DCDC2C: variants seen among roughly 807,000 people sequenced by gnomAD.
DCDC2C encodes the protein doublecortin domain containing 2C.
A neutral mutation model predicts 45.0 loss-of-function variants in DCDC2C; 44 were observed. The ratio of observed to expected loss-of-function variants is 0.98; its 90% confidence interval spans 0.77 to 1.26. The LOEUF is 1.26. Ranked by LOEUF, DCDC2C falls within the 50% of genes most tolerant of loss-of-function variation. The probability of loss-of-function intolerance (pLI) is 0.00; values close to 1 mark genes in which losing one functional copy is unlikely to be tolerated. For missense variants in DCDC2C, 447 were observed against 468.9 expected (o/e 0.95, Z 0.43); for synonymous variants, 187 against 178.8 (o/e 1.05, Z -0.37).
chr2:3,781,439 G>A (rs1194903405), intron 9 of DCDC2C, among the ~76,000 whole-genome samples: 3 of 152,236 alleles, frequency 2.0e-5, no homozygotes, highest in Non-Finnish European at 2.9e-5. Context: ...TATACAGTAG[G>A]TGTTTAATAA....
chr2:3,714,090 T>G (rs1402969567), intron 2 of DCDC2C, among the ~76,000 whole-genome samples: 1 of 152,214 alleles, frequency 6.6e-6, no homozygotes, highest in Non-Finnish European at 1.5e-5. Flanking sequence ...AAATTATTCT[T>G]TCACAGAATT....
chr2:3,733,069 G>A (rs1272536650), intron 3 of DCDC2C, among the ~76,000 whole-genome samples: 1 of 152,220 alleles, frequency 6.6e-6, no homozygotes, highest in African/African-American at 2.4e-5. Context: ...GTTGGCAACT[G>A]ATGTCGTGGA....
At chr2:3,784,154 A>C (rs965566150) in intron 9 of DCDC2C, among the ~76,000 whole-genome samples, 1 of 152,238 alleles carries the variant, frequency 6.6e-6, no homozygotes, top group South Asian at 2.1e-4. Flanking sequence ...GACAATGTCC[A>C]GTGCTTAATA....
rs1336067697 is a variant in DCDC2C at position 3,727,070 on chromosome 2, G to A, written c.407G>A (p.Arg136Gln). Reference sequence around the variant, plus strand: ...TGGCAAACATATCATCGTATATCTCGACATATAAAGTGAGTATAATATTAT... The same window carrying A: ...TGGCAAACATATCATCGTATATCTCAACATATAAAGTGAGTATAATATTAT... ...SKWQTYHRIS[R>Q]HINVFTNGRL... The change falls in exon 3 of 11, where the codon CGA becomes CAA. Residue 136 changes from arginine (R) to glutamine (Q), a missense_variant. Physicochemically the swap from Arg to Gln is conservative, Grantham distance 43 (BLOSUM62 1). Coordinates refer to ENST00000399143, the MANE Select transcript of DCDC2C (RefSeq NM_001287444.2). The A allele has an allele frequency of 7.1e-6, 11 of 1,548,732 alleles. No homozygotes were observed. The highest frequency in any genetic ancestry group is 6.0e-5 in the South Asian group (5 of 83,916).
intron 10 of DCDC2C, among the ~76,000 whole-genome samples, chr2:3,836,765 G>A (rs1343317954): frequency 6.6e-6 from 1 of 151,966 alleles, no homozygotes; most frequent in Non-Finnish European, 1.5e-5. Context: ...GGGAGGCTGA[G>A]GCAGGAGAAT....
At chr2:3,810,825 GCTGAA>G (rs1394152533) in intron 10 of DCDC2C, among the ~76,000 whole-genome samples, 1 of 152,096 alleles carries the variant, frequency 6.6e-6, no homozygotes, top group East Asian at 1.9e-4. Context: ...ACCACCATTT[GCTGAA>G]CAGGAGATCC....
intron 2 of DCDC2C, among the ~76,000 whole-genome samples, chr2:3,717,703 G>A (rs1475553362): frequency 2.0e-5 from 3 of 152,124 alleles, no homozygotes; most frequent in East Asian, 1.9e-4. Flanking sequence ...TTACCATGAC[G>A]TTTAAGGCCC....
Position 3,798,654 on chromosome 2 carries a change from T to G in DCDC2C, c.1065+13554T>G, listed in dbSNP as rs1225610915. 2.7e-5 allele frequency among the ~76,000 whole-genome samples: 4 copies of G among 149,936 alleles called. No homozygotes were observed. In the East Asian group the frequency reaches 7.9e-4, roughly 30 times the overall value. On this transcript the variant is annotated intron_variant, in intron 10 of 10. Coordinates refer to ENST00000399143, the MANE Select transcript of DCDC2C (RefSeq NM_001287444.2). ...AAGCTTAGTTTGGCTGGATATGAAA[T>G]TCTGGGTTGAAAATTCTTTTCTTTA...
intron 10 of DCDC2C, among the ~76,000 whole-genome samples, chr2:3,841,217 A>G (rs1672206590): frequency 1.3e-5 from 2 of 152,130 alleles, no homozygotes; most frequent in South Asian, 4.1e-4. Context: ...TAGGGGAGAC[A>G]TTTTCAGCCA....
intron 2 of DCDC2C, among the ~76,000 whole-genome samples, chr2:3,723,336 T>A (rs1313824784): frequency 6.6e-6 from 1 of 152,012 alleles, no homozygotes; most frequent in Non-Finnish European, 1.5e-5. Flanking sequence ...TAACTGCAGG[T>A]GTGTGACTGG....
Position 3,758,529 on chromosome 2 carries a change from G to A in DCDC2C, c.726+3895G>A, listed in dbSNP as rs1002031793. ...CTATCAATTGAGTATATTCTTCTTCGATTCCATCTATTCTTGCAGAGTGAC... is the reference window on the plus strand; with the variant it reads ...CTATCAATTGAGTATATTCTTCTTCAATTCCATCTATTCTTGCAGAGTGAC... On this transcript the variant is annotated intron_variant, in intron 6 of 10. Transcript: ENST00000399143. Among the ~76,000 whole-genome samples the A allele has an allele frequency of 5.3e-5, 8 of 152,164 alleles. 1 individual carries two copies. The South Asian group carries it at 6.2e-4, about 12-fold the overall frequency.
At chr2:3,717,829 T>C (rs908704888) in intron 2 of DCDC2C, among the ~76,000 whole-genome samples, 9 of 152,208 alleles carry the variant, frequency 5.9e-5, no homozygotes, top group African/African-American at 1.9e-4. Flanking sequence ...TTCATGCGCC[T>C]ATCCTCAAGC....
In DCDC2C at chr2:3,734,559, A is replaced by G. The variant is rs114446653; in HGVS notation, c.417-7361A>G. ...GATTTCGTAAGAGGGAAGTTTAGCCACAGAGAAATGCTGTGTTCTCATTAA... is the reference window on the plus strand; with the variant it reads ...GATTTCGTAAGAGGGAAGTTTAGCCGCAGAGAAATGCTGTGTTCTCATTAA... On this transcript the variant is annotated intron_variant, in intron 3 of 10. Coordinates refer to ENST00000399143, the MANE Select transcript of DCDC2C (RefSeq NM_001287444.2). This position sits in a 1 kb window ranked among gnomAD's most constrained non-coding sequence, Gnocchi z 4.2. 0.013 allele frequency among the ~76,000 whole-genome samples: 2,018 copies of G among 152,304 alleles called. 54 individuals are homozygous for G. Among genetic ancestry groups the G allele is most frequent in the African/African-American group, 0.046 (1,901 of 41,554 alleles).
At position 3,847,283 on chromosome 2, in the gene DCDC2C, G is replaced by GCTTTAGTTTCACCCCACA; in HGVS notation, c.*100_*101insCTTTAGTTTCACCCCACA. On this transcript the variant is annotated 3_prime_UTR_variant, in exon 11 of 11. Coordinates refer to ENST00000399143, the MANE Select transcript of DCDC2C (RefSeq NM_001287444.2). The stretch of plus-strand genomic sequence containing the variant: ...TAACAGCAAGAAAATCACATGTGGG[G>GCTTTAGTTTCACCCCACA]TGAAACTAAAGCCCCACACAGTGGT... The GCTTTAGTTTCACCCCACA allele has an allele frequency of 2.3e-6, 2 of 864,254 alleles. No individual in the cohort carries two copies. Among genetic ancestry groups the GCTTTAGTTTCACCCCACA allele is most frequent in the Non-Finnish European group, 3.1e-6 (2 of 653,102 alleles). The allele number at this position is 864,254 out of a possible 1,614,324, so 53.5% of individuals were successfully genotyped here.
At chr2:3,769,070 C>A in intron 7 of DCDC2C, 1 of 455,924 alleles carries the variant, frequency 2.2e-6, no homozygotes. Flanking sequence ...TTCATGAAGA[C>A]AGAGACAAAA....
At chr2:3,827,498 G>C (rs1671855304) in intron 10 of DCDC2C, among the ~76,000 whole-genome samples, 1 of 152,132 alleles carries the variant, frequency 6.6e-6, no homozygotes, top group Admixed American at 6.5e-5. Flanking sequence ...TGGCTTACTT[G>C]GGACCCATCA....
intron 3 of DCDC2C, among the ~76,000 whole-genome samples, chr2:3,738,565 A>AAAG (rs1669097982): frequency 6.7e-6 from 1 of 149,922 alleles, no homozygotes; most frequent in Non-Finnish European, 1.5e-5. Flanking sequence ...AAAAAAAAAA[A>AAAG]AAAAAGCCTC....
intron 10 of DCDC2C, among the ~76,000 whole-genome samples, chr2:3,800,208 T>C (rs1671080303): frequency 6.6e-6 from 1 of 152,208 alleles, no homozygotes; most frequent in Non-Finnish European, 1.5e-5. Flanking sequence ...AGTGAGGCAA[T>C]GCCTCGCCCT....
intron 6 of DCDC2C, among the ~76,000 whole-genome samples, chr2:3,759,402 G>A (rs1348878182): frequency 6.6e-6 from 1 of 152,164 alleles, no homozygotes; most frequent in South Asian, 2.1e-4. Flanking sequence ...ATTTTAAATG[G>A]CACTTCCTTT....
Sources: gnomAD v4.1 joint callset for allele counts (sites outside exome capture counted in the v4.1 genomes callset) on GRCh38, gnomAD v4.1.1 for gene constraint, Gnocchi (gnomAD v3.1) non-coding constraint, MANE v1.5 for transcripts, NCBI Gene and HGNC (gene_info 2026-07-23, HGNC 2026-07-21) for gene names.